The following SLC12A6 variants were observed in gnomAD, a reference collection of about 807,000 sequenced individuals.
The protein encoded by SLC12A6 is K-Cl cotransporter 3.
Under a neutral mutation model 135.3 loss-of-function variants are expected in SLC12A6, and 66 were observed. The ratio of observed to expected loss-of-function variants is 0.49; its 90% CI spans 0.40 to 0.60. The LOEUF (loss-of-function observed/expected upper bound fraction) is 0.60, where lower values mean the gene tolerates loss of function less well. Among genes scored for constraint, SLC12A6 ranks in the 20% least tolerant of loss-of-function variants. SLC12A6 has a pLI of 0.00. For synonymous variants in SLC12A6, 513 were observed against 508.8 expected (o/e 1.01, Z -0.11); for missense variants, 1,058 against 1,452.3 (o/e 0.73, Z 4.41).
intron 2 of SLC12A6, among the ~76,000 whole-genome samples, chr15:34,314,010 C>T (rs1595557211): frequency 6.6e-6 from 1 of 150,412 alleles, no homozygotes. Context: ...AACAACAAAG[C>T]CTGAATAGCA....
At chr15:34,271,602 T>TACACAAACACAC (rs1893950888) in intron 3 of SLC12A6, among the ~76,000 whole-genome samples, 1 of 148,826 alleles carries the variant, frequency 6.7e-6, no homozygotes, top group African/African-American at 2.5e-5. Context: ...AGTGCAAAGC[T>TACACAAACACAC]ACACACACAC....
At position 34,235,975 on chromosome 15, in the gene SLC12A6, T is replaced by G. The variant is rs769675350; in HGVS notation, c.3227+40A>C. 13 of 1,484,336 alleles carry G rather than the reference T, an allele frequency of 8.8e-6. No individual in the cohort carries two copies. The East Asian group carries it at 1.6e-4, about 18-fold the overall frequency. 91.9% of individuals were successfully genotyped at this position (1,484,336 alleles called of 1,614,324 possible). A position where few individuals can be genotyped will look rare whatever the true frequency, so the allele number is the denominator to read the frequency against. ...GCAAAGTCACATTTGTGCCACTGAT[T>G]AGGTAATTTTATGATAAACTTGGGA... On this transcript the variant is annotated intron_variant, in intron 24 of 25. Transcript: ENST00000354181.
At chr15:34,274,514 C>T (rs1358740346) in intron 3 of SLC12A6, among the ~76,000 whole-genome samples, 1 of 152,082 alleles carries the variant, frequency 6.6e-6, no homozygotes, top group Non-Finnish European at 1.5e-5. Flanking sequence ...GTCCTGAGGT[C>T]TTGTGAAATT....
At position 34,251,157 on chromosome 15, in the gene SLC12A6, C is replaced by A. The variant is rs192029440; in HGVS notation, c.1334-100G>T. The stretch of plus-strand genomic sequence containing the variant: ...TTCAAAATCAGGCTCCTCATTTATA[C>A]AGTTTCTAAAGGTGTGTTTGCTTCT... On this transcript the variant is annotated intron_variant, in intron 10 of 25. Coordinates refer to ENST00000354181, the MANE Select transcript of SLC12A6 (RefSeq NM_001365088.1). 27 of 896,604 alleles carry A rather than the reference C, an allele frequency of 3.0e-5. No homozygotes were observed. In the East Asian group the frequency reaches 6.8e-4, roughly 22 times the overall value. The allele number at this position is 896,604 out of a possible 1,614,324, so 55.5% of individuals were successfully genotyped here.
intron 4 of SLC12A6, 148 bp from the exon 5 acceptor site, chr15:34,259,092 C>A: frequency 1.6e-6 from 1 of 635,538 alleles, no homozygotes; most frequent in Admixed American, 2.4e-5. Context: ...GTAATCCCAG[C>A]ACTTTGGGAG....
chr15:34,260,392 G>A (rs910707009), intron 4 of SLC12A6, among the ~76,000 whole-genome samples: 4 of 152,120 alleles, frequency 2.6e-5, no homozygotes, highest in African/African-American at 9.7e-5. Context: ...CCGAGTAGCT[G>A]GGACCACAGG....
chr15:34,245,427 G>A, intron 14 of SLC12A6, 24 bp from the exon 15 acceptor site: 1 of 1,293,152 alleles, frequency 7.7e-7, no homozygotes, highest in Non-Finnish European at 1.1e-6. Flanking sequence ...GGAAATATCA[G>A]GCACAGGAGT....
chr15:34,282,682 T>A (rs1245243258), intron 2 of SLC12A6, among the ~76,000 whole-genome samples: 1 of 152,146 alleles, frequency 6.6e-6, no homozygotes, highest in Non-Finnish European at 1.5e-5. Context: ...AGCCCAGAAG[T>A]TCAAGGTTGC....
intron 2 of SLC12A6, among the ~76,000 whole-genome samples, chr15:34,303,364 A>AGT (rs1367685009): frequency 6.6e-6 from 1 of 152,210 alleles, no homozygotes; most frequent in African/African-American, 2.4e-5. Flanking sequence ...CATTGTTTTT[A>AGT]GTGTGTATAC....
chr15:34,324,024 A>C (rs1215974452), intron 2 of SLC12A6, among the ~76,000 whole-genome samples: 5 of 152,176 alleles, frequency 3.3e-5, no homozygotes, highest in African/African-American at 7.2e-5. Context: ...AAAAAGTTCC[A>C]GTAGTTTTTT....
chr15:34,321,164 T>A (rs534877433), intron 2 of SLC12A6, among the ~76,000 whole-genome samples: 5 of 152,190 alleles, frequency 3.3e-5, no homozygotes. Flanking sequence ...GTAGGCAACA[T>A]AGAGTATGTT....
In SLC12A6 at chr15:34,233,515, A is replaced by C. The variant is rs927847964; in HGVS notation, c.*366T>G. 1.3e-5 allele frequency: 3 copies of C among 239,460 alleles called. No homozygotes were observed. Among genetic ancestry groups the C allele is most frequent in the African/African-American group, 2.2e-5 (1 of 45,092 alleles). The allele number at this position is 239,460 out of a possible 1,614,324, so 14.8% of individuals were successfully genotyped here. A position where few individuals can be genotyped will look rare whatever the true frequency, so the allele number is the denominator to read the frequency against. On this transcript the variant is annotated 3_prime_UTR_variant, in exon 26 of 26. Coordinates refer to ENST00000354181, the MANE Select transcript of SLC12A6 (RefSeq NM_001365088.1). ...CATTGAACCATGACTTCTGAGATTC[A>C]TCTTTAATGCTGAATACGTACTTGA...
rs1012644723 is a variant in SLC12A6 at position 34,233,079 on chromosome 15, A to T, written c.*802T>A. On this transcript the variant is annotated 3_prime_UTR_variant, in exon 26 of 26. Coordinates refer to ENST00000354181, the MANE Select transcript of SLC12A6 (RefSeq NM_001365088.1). The stretch of plus-strand genomic sequence containing the variant: ...TGTATAGAGAACCACAGACTATTTC[A>T]GTAAATGTTAATAGCTTCCTTTTGG... 6.6e-6 allele frequency: 1 copy of T among 152,202 alleles called. No homozygotes were observed. Among genetic ancestry groups the T allele is most frequent in the Non-Finnish European group, 1.5e-5 (1 of 68,040 alleles). 9.4% of individuals were successfully genotyped at this position (152,202 alleles called of 1,614,324 possible).
At chr15:34,319,517 G>A (rs372189579) in intron 2 of SLC12A6, among the ~76,000 whole-genome samples, 5 of 152,010 alleles carry the variant, frequency 3.3e-5, no homozygotes, top group Non-Finnish European at 5.9e-5. Context: ...TGAAAGATAC[G>A]GCTGTGCGCC....
intron 13 of SLC12A6, among the ~76,000 whole-genome samples, chr15:34,247,023 A>C (rs1010307890): frequency 6.6e-6 from 1 of 152,130 alleles, no homozygotes; most frequent in Non-Finnish European, 1.5e-5. Flanking sequence ...CAAAATCACT[A>C]CTAAACTGCT....
chr15:34,293,777 G>A (rs185106608), intron 2 of SLC12A6, among the ~76,000 whole-genome samples: 280 of 152,020 alleles, frequency 1.8e-3, no homozygotes, highest in African/African-American at 6.5e-3. Context: ...TTAAAAAAAT[G>A]TTTTTTTGTA....
In SLC12A6 at chr15:34,254,765, ATT is replaced by A. The variant is rs11345194; in HGVS notation, c.877-178_877-177del. ...TGCCTTCAGAAATGGGATGTCATGGATTTTTTTTTTTTTTTTGGTCTACATGC... is the reference window on the plus strand; with the variant it reads ...TGCCTTCAGAAATGGGATGTCATGGATTTTTTTTTTTTTTGGTCTACATGC... On this transcript the variant is annotated intron_variant, in intron 8 of 25. Transcript: ENST00000354181. Among the ~76,000 whole-genome samples, 638 of 141,964 alleles carry A rather than the reference ATT, an allele frequency of 4.5e-3. 1 individual carries two copies. The highest frequency in any genetic ancestry group is 7.2e-3 in the Middle Eastern group (2 of 276). The allele number at this position is 141,964 out of a possible 152,430, so 93.1% of individuals were successfully genotyped here.
At chr15:34,299,883 T>A (rs1017791348) in intron 2 of SLC12A6, among the ~76,000 whole-genome samples, 4 of 152,028 alleles carry the variant, frequency 2.6e-5, no homozygotes, top group African/African-American at 9.7e-5. Flanking sequence ...TAGGATGAGA[T>A]TTACATATGA....
At chr15:34,312,903 G>A (rs181213639) in intron 2 of SLC12A6, among the ~76,000 whole-genome samples, 7 of 152,256 alleles carry the variant, frequency 4.6e-5, no homozygotes, top group African/African-American at 1.7e-4. Flanking sequence ...TGAAATTGCT[G>A]TTACTATTGA....
Sources: gnomAD v4.1 joint callset for allele counts (sites outside exome capture counted in the v4.1 genomes callset) on GRCh38, gnomAD v4.1.1 for gene constraint, MANE v1.5 for transcripts, NCBI Gene and HGNC (gene_info 2026-07-23, HGNC 2026-07-21) for gene names.